Variants in THNSL1 observed in about 807,000 individuals in gnomAD.
THNSL1 encodes the protein threonine synthase-like 1.
Under a neutral mutation model 50.4 loss-of-function variants are expected in THNSL1, and 48 were observed. The observed-to-expected ratio is 0.95, with a 90% CI of 0.76 to 1.21. THNSL1 has a LOEUF of 1.21. THNSL1 is among the 50% of genes most tolerant of loss of function. The pLI, the probability that THNSL1 is intolerant of heterozygous loss-of-function variation, is 0.00. For synonymous variants in THNSL1, 309 were observed against 306.1 expected, an observed-to-expected ratio of 1.01 and a Z score of -0.10; for missense variants, 896 against 871.7, an observed-to-expected ratio of 1.03 and a Z score of -0.35.
At chr10:25,017,159 A>G (rs1220029334) in intron 1 of THNSL1, among the ~76,000 whole-genome samples, 2 of 152,186 alleles carry the variant, frequency 1.3e-5, no homozygotes, top group Non-Finnish European at 2.9e-5. Flanking sequence ...TGAGCAGCCT[A>G]AACTAAGAGG....
chr10:24,979,607 T>C, the THNSL1 span, among the ~76,000 whole-genome samples: 1 of 152,200 alleles, frequency 6.6e-6, no homozygotes, highest in East Asian at 1.9e-4. Context: ...TGGCAGTTGC[T>C]GAGAGCTTAT....
chr10:24,958,719 C>T, the THNSL1 span, among the ~76,000 whole-genome samples: 3 of 152,208 alleles, frequency 2.0e-5, no homozygotes, highest in African/African-American at 7.2e-5. Flanking sequence ...TAGTAATTCA[C>T]CTTCCACTGA....
the THNSL1 span, among the ~76,000 whole-genome samples, chr10:24,970,362 A>T: frequency 6.6e-6 from 1 of 152,184 alleles, no homozygotes; most frequent in Non-Finnish European, 1.5e-5. Flanking sequence ...ACTCTTTTAA[A>T]TAGGCAGATG....
chr10:24,975,572 G>T, the THNSL1 span, among the ~76,000 whole-genome samples: 1 of 152,150 alleles, frequency 6.6e-6, no homozygotes, highest in African/African-American at 2.4e-5. Context: ...CTGTTATCCT[G>T]TTCTCATGAT....
chr10:24,990,677 A>C, the THNSL1 span: 1 of 1,416,838 alleles, frequency 7.1e-7, no homozygotes, highest in Non-Finnish European at 9.6e-7. Context: ...GTACGTATCA[A>C]CTGATGATGG....
At chr10:24,967,711 A>G in the THNSL1 span, among the ~76,000 whole-genome samples, 1 of 150,322 alleles carries the variant, frequency 6.7e-6, no homozygotes, top group Non-Finnish European at 1.5e-5. Context: ...TGATGTGTGT[A>G]TACGTGTGTG....
chr10:25,002,947 C>T, the THNSL1 span, among the ~76,000 whole-genome samples: 1 of 151,756 alleles, frequency 6.6e-6, no homozygotes, highest in Non-Finnish European at 1.5e-5. Context: ...TCTTTACTTC[C>T]ACCTCTTTTA....
chr10:25,024,295 A>G lies in THNSL1; in HGVS notation c.1072A>G (p.Met358Val), dbSNP rs1472865795. ...GSFKDLSLQL[M>V]PHIFAHCIPP... is the part of the protein sequence containing the mutation. Reference sequence around the variant, plus strand: ...ATTTAAAGATTTGTCTTTACAGCTTATGCCTCATATTTTTGCACACTGTAT... The same window carrying G: ...ATTTAAAGATTTGTCTTTACAGCTTGTGCCTCATATTTTTGCACACTGTAT... Residue 358 changes from methionine to valine, a missense_variant, in exon 3 of 3, where the codon ATG becomes GTG. Met to Val is a conservative substitution (Grantham distance 21). Coordinates refer to ENST00000376356, the MANE Select transcript of THNSL1 (RefSeq NM_024838.5). 1 of 1,614,220 alleles carries G rather than the reference A, an allele frequency of 6.2e-7. No homozygotes were observed. The highest frequency in any genetic ancestry group is 2.2e-5 in the East Asian group (1 of 44,890).
chr10:24,986,861 A>G, the THNSL1 span, among the ~76,000 whole-genome samples: 1 of 152,162 alleles, frequency 6.6e-6, no homozygotes, highest in Non-Finnish European at 1.5e-5. Context: ...TTGCAGCAAT[A>G]GTGATTTTCC....
At chr10:24,958,407 A>G in the THNSL1 span, among the ~76,000 whole-genome samples, 1 of 152,236 alleles carries the variant, frequency 6.6e-6, no homozygotes, top group Non-Finnish European at 1.5e-5. Context: ...AAGAGTAGCA[A>G]GACATTTTTT....
chr10:24,968,917 G>A, the THNSL1 span, among the ~76,000 whole-genome samples: 4 of 152,086 alleles, frequency 2.6e-5, no homozygotes, highest in Admixed American at 6.5e-5. Context: ...TTCTTGAGAC[G>A]GAGTCTCGCT....
the THNSL1 span, among the ~76,000 whole-genome samples, chr10:24,967,487 A>G: frequency 6.6e-6 from 1 of 152,212 alleles, no homozygotes; most frequent in Non-Finnish European, 1.5e-5. Flanking sequence ...TCTTTCTTTC[A>G]GTGAAGCTTT....
chr10:25,007,115 A>G, the THNSL1 span, among the ~76,000 whole-genome samples: 1 of 152,278 alleles, frequency 6.6e-6, no homozygotes, highest in Middle Eastern at 3.4e-3. Context: ...TTCTGTAAAA[A>G]TTTGAGTCAT....
intron 1 of THNSL1, among the ~76,000 whole-genome samples, chr10:25,018,339 A>G (rs1276651069): frequency 1.3e-5 from 2 of 152,250 alleles, no homozygotes; most frequent in Non-Finnish European, 2.9e-5. Context: ...TGTCCACCGC[A>G]TGTCCACAGG....
chr10:25,007,660 T>C, the THNSL1 span, among the ~76,000 whole-genome samples: 1 of 152,132 alleles, frequency 6.6e-6, no homozygotes, highest in East Asian at 1.9e-4. Context: ...GTTCTCGATC[T>C]CCTGACCTCA....
Position 25,025,085 on chromosome 10 carries a change from A to C in THNSL1, c.1862A>C (p.Glu621Ala). The change falls in exon 3 of 3, where the codon GAG (glutamate) becomes GCG (alanine). Residue 621 changes from glutamate to alanine, a missense_variant. Physicochemically the swap from Glu to Ala is moderately radical, Grantham distance 107. Transcript: ENST00000376356. ...GATTTTGTAGCTGACTGGTGCTCTG[A>C]GGGAGAGTGCCTAGCAGCTATTAAC... is the stretch of plus-strand genomic sequence containing the variant. ...QQDFVADWCS[E>A]GECLAAINST... is the part of the protein sequence containing the mutation. 1 of 1,614,202 alleles carries C rather than the reference A, an allele frequency of 6.2e-7. No homozygotes were observed. Among genetic ancestry groups the C allele is most frequent in the Non-Finnish European group, 8.5e-7 (1 of 1,180,028 alleles).
the THNSL1 span, among the ~76,000 whole-genome samples, chr10:24,975,226 A>G: frequency 0.27 from 40,441 of 152,158 alleles, 6,649 homozygotes; most frequent in East Asian, 0.47. Flanking sequence ...AAAACAGCAC[A>G]GCTCAAGGGT....
the THNSL1 span, among the ~76,000 whole-genome samples, chr10:24,991,615 C>T: frequency 2.6e-5 from 4 of 152,188 alleles, no homozygotes; most frequent in African/African-American, 9.6e-5. Flanking sequence ...CAGAGCTGCC[C>T]GGCTCCAGGG....
chr10:24,965,476 C>T, the THNSL1 span, among the ~76,000 whole-genome samples: 2 of 152,204 alleles, frequency 1.3e-5, no homozygotes, highest in South Asian at 2.1e-4. Flanking sequence ...AAAAAGCTTA[C>T]ATGCTTCATC....
Sources: allele counts gnomAD v4.1 joint callset (sites outside exome capture counted in the v4.1 genomes callset), GRCh38; gene constraint gnomAD v4.1.1; transcripts MANE v1.5; gene names NCBI Gene and HGNC (gene_info 2026-07-23, HGNC 2026-07-21).